Variants in TSC2 observed in about 807,000 individuals in gnomAD.
The protein encoded by TSC2 is tuberin.
TSC2 carries 29 observed loss-of-function variants against 202.2 expected under a neutral mutation model. The ratio of observed to expected loss-of-function variants is 0.14; its 90% CI spans 0.11 to 0.20. TSC2 has a LOEUF of 0.20. Among genes scored for constraint, TSC2 ranks in the 10% least tolerant of loss-of-function variants. TSC2 has a pLI of 1.00. For missense variants in TSC2, 2,429 were observed against 2,420.0 expected (o/e 1.00, Z -0.08); for synonymous variants, 1,349 against 1,044.0 (o/e 1.29, Z -5.63).
Position 2,088,665 on chromosome 16 carries a change from TAAA to T in TSC2, c.*56_*58del. ...TGGACGGTATTGCCTGTCAGTGAAA[TAAA>T]TAAAGTCCTGACCCCAGTGCACAGA... On this transcript the variant is annotated 3_prime_UTR_variant, in exon 42 of 42. Transcript: ENST00000219476. The T allele has an allele frequency of 6.5e-7, 1 of 1,548,696 alleles. No individual in the cohort carries two copies. The highest frequency in any genetic ancestry group is 8.6e-7 in the Non-Finnish European group (1 of 1,156,536).
chr16:2,081,451 C>T (rs1298871797), intron 30 of TSC2, 144 bp from the exon 31 acceptor site: 11 of 1,091,138 alleles, frequency 1.0e-5, no homozygotes, highest in Non-Finnish European at 1.5e-5. Context: ...GTCAGAGCAG[C>T]GCTGGCTCCG....
rs1057522306 is a variant in TSC2, at chr16:2,071,538, C to T, written c.1868C>T (p.Ala623Val). 2 of 1,613,590 alleles carry T rather than the reference C, an allele frequency of 1.2e-6. No individual in the cohort carries two copies. Among genetic ancestry groups the T allele is most frequent in the East Asian group, 4.5e-5 (2 of 44,886 alleles). Residue 623 changes from alanine to valine, a missense_variant, in exon 18 of 42, where the codon GCC (alanine) becomes GTC (valine). Ala to Val is a moderately conservative substitution (Grantham distance 64). Coordinates refer to ENST00000219476, the MANE Select transcript of TSC2 (RefSeq NM_000548.5). ...QAFDFLLLLRADSLHRLGLPN... is the reference protein window; with the variant it reads ...QAFDFLLLLRVDSLHRLGLPN... The stretch of plus-strand genomic sequence containing the variant: ...TTTGACTTCCTGTTGCTGCTGCGGG[C>T]CGACTCACTGCACCGCCTGGGCCTG...
chr16:2,068,375 A>T, intron 16 of TSC2, among the ~76,000 whole-genome samples: 1 of 152,166 alleles, frequency 6.6e-6, no homozygotes, highest in Non-Finnish European at 1.5e-5. Context: ...GAAAAGTAAC[A>T]CAGTTGACTC....
Position 2,060,522 on chromosome 16 carries a change from C to T in TSC2, c.976-148C>T, listed in dbSNP as rs1178773399. ...CATGTAGAAACCCCTCCTGGGCGCC[C>T]CACCTGCTGTTTCTGCGGCCCCTGA... On this transcript the variant is annotated intron_variant, in intron 10 of 41. Transcript: ENST00000219476. The T allele has an allele frequency of 1.0e-5, 14 of 1,371,892 alleles. No homozygotes were observed. The Middle Eastern group carries it at 2.2e-3, about 216-fold the overall frequency. 85.0% of individuals were successfully genotyped at this position (1,371,892 alleles called of 1,614,324 possible).
chr16:2,072,045 C>T (rs112515097), intron 19 of TSC2, 111 bp downstream of exon 19: 1 of 1,477,740 alleles, frequency 6.8e-7, no homozygotes, highest in Non-Finnish European at 9.0e-7. Flanking sequence ...GGGCAGCCCT[C>T]CCTCAGAGCT....
intron 15 of TSC2, chr16:2,064,662 G>C: frequency 1.5e-6 from 1 of 651,328 alleles, no homozygotes; most frequent in South Asian, 1.9e-5. Context: ...GGGACAGCTG[G>C]GCTGGGCCTC....
At chr16:2,050,359 C>T (rs2150993780) in intron 2 of TSC2, 41 bp from the exon 3 acceptor site, 4 of 1,587,136 alleles carry the variant, frequency 2.5e-6, no homozygotes, top group Non-Finnish European at 3.5e-6. Flanking sequence ...GAGACCGTGG[C>T]CTGAGCACTG....
At chr16:2,082,852 C>T (rs1203602116) in intron 32 of TSC2, 1 of 441,612 alleles carries the variant, frequency 2.3e-6, no homozygotes, top group Non-Finnish European at 4.3e-6. Context: ...ACCCCTGGGC[C>T]TGCACCGAGC....
rs781075483 is a variant in TSC2, at chr16:2,048,723, G to A, written c.108G>A (p.Thr36=). 8.1e-6 allele frequency: 13 copies of A among 1,613,936 alleles called. No homozygotes were observed. The African/African-American group carries it at 1.1e-4, about 13-fold the overall frequency. ...CCAGGTCTGCAGAGGGTAAACAGAC[G>A]GAGTTTATCATCACCGCGGAAATAC... ...PNPRSAEGKQ[T]EFIITAEILR... is the part of the protein sequence containing the mutation. The change falls in exon 2 of 42, where the codon ACG becomes ACA. Residue 36 remains threonine, a synonymous_variant. Transcript: ENST00000219476.
At chr16:2,048,804 G>A (rs759914646) in intron 2 of TSC2, 51 bp downstream of exon 2, 30 of 1,612,772 alleles carry the variant, frequency 1.9e-5, no homozygotes, top group Non-Finnish European at 2.5e-5. Context: ...TGCAGAGAAG[G>A]CTGGGTTTGG....
At position 2,056,629 on chromosome 16, in the gene TSC2, C is replaced by T. The variant is rs1367018977; in HGVS notation, c.649-15C>T. 6.2e-7 allele frequency: 1 copy of T among 1,608,378 alleles called. No homozygotes were observed. The highest frequency in any genetic ancestry group is 8.5e-7 in the Non-Finnish European group (1 of 1,179,932). Reference sequence around the variant, plus strand: ...CTGGGGTAGGACGGGCGTGAGCCGTCTCCCTCTCCACCAGGTCTCCCTGCA... The same window carrying T: ...CTGGGGTAGGACGGGCGTGAGCCGTTTCCCTCTCCACCAGGTCTCCCTGCA... On this transcript the variant is annotated splice_polypyrimidine_tract_variant and intron_variant, in intron 7 of 41. Transcript: ENST00000219476.
At position 2,058,755 on chromosome 16, in the gene TSC2, T is replaced by C. The variant is rs45517136; in HGVS notation, c.857T>C (p.Met286Thr). 1.3e-5 allele frequency: 21 copies of C among 1,583,092 alleles called. No individual in the cohort carries two copies. Among genetic ancestry groups the C allele is most frequent in the Non-Finnish European group, 1.5e-5 (17 of 1,164,272 alleles). ...CTGGGGAACACTTTTAGAGCCTACA[T>C]GGAGGACGCGCCCCTGCTGAGAGGA... The part of the protein sequence containing the change: ...MCHLMEDRAY[M>T]EDAPLLRGAV... The change falls in exon 10 of 42, where the codon ATG becomes ACG. Residue 286 changes from methionine to threonine, a missense_variant. Physicochemically the swap from Met to Thr is moderately conservative, Grantham distance 81. Coordinates refer to ENST00000219476, the MANE Select transcript of TSC2 (RefSeq NM_000548.5).
At chr16:2,049,232 C>T (rs530907641) in intron 2 of TSC2, among the ~76,000 whole-genome samples, 2 of 152,060 alleles carry the variant, frequency 1.3e-5, no homozygotes, top group East Asian at 3.9e-4. Flanking sequence ...ACTACAGACA[C>T]GTGCCACCAC....
chr16:2,062,922 G>A (rs1348109166), intron 13 of TSC2, 50 bp from the exon 14 acceptor site: 1 of 1,536,832 alleles, frequency 6.5e-7, no homozygotes, highest in Non-Finnish European at 8.8e-7. Context: ...GCTGGTGTGG[G>A]GCTGTGGCCG....
At chr16:2,054,037 C>G (rs2085460906) in intron 4 of TSC2, 1 of 559,044 alleles carries the variant, frequency 1.8e-6, no homozygotes, top group Admixed American at 3.0e-5. Context: ...CTGTGTCATC[C>G]CCTGCTCTGC....
rs1459518095 is a variant in TSC2, at chr16:2,084,552, C to T, written c.4330C>T (p.Pro1444Ser). 1.2e-6 allele frequency: 2 copies of T among 1,609,006 alleles called. No homozygotes were observed. Among genetic ancestry groups the T allele is most frequent in the South Asian group, 1.1e-5 (1 of 90,958 alleles). ...GEDSRGQPEG[P>S]LPSSSPRSPS... ...AGACAGTCGGGGCCAGCCCGAGGGT[C>T]CCTTGCCTTCCAGCTCCCCCCGCTC... The change falls in exon 34 of 42, where the codon CCC becomes TCC. Residue 1444 changes from proline to serine, a missense_variant. Physicochemically the swap from Pro to Ser is moderately conservative, Grantham distance 74 (BLOSUM62 -1). Transcript: ENST00000219476.
rs1555441265 is a variant in TSC2, at chr16:2,088,491, C to T, written c.5305C>T (p.His1769Tyr). Residue 1769 changes from histidine to tyrosine, a missense_variant, in exon 42 of 42, where the codon CAC (histidine) becomes TAC (tyrosine). Coordinates refer to ENST00000219476, the MANE Select transcript of TSC2 (RefSeq NM_000548.5). ...CTCCAACCCCAGCCTACCTCTGGTG[C>T]ACCCTCCGTCCCATAGCAAAGCCCC... ...AYSNPSLPLVHPPSHSKAPAQ... is the reference protein window; with the variant it reads ...AYSNPSLPLVYPPSHSKAPAQ... 11 of 1,612,764 alleles carry T rather than the reference C, an allele frequency of 6.8e-6. No homozygotes were observed. The highest frequency in any genetic ancestry group is 1.6e-4 in the Middle Eastern group (1 of 6,084).
chr16:2,085,680 G>A (rs946429763), intron 36 of TSC2, among the ~76,000 whole-genome samples: 2 of 152,210 alleles, frequency 1.3e-5, no homozygotes, highest in African/African-American at 4.8e-5. Context: ...CACCAGCAGC[G>A]GGGGCCGGGC....
intron 19 of TSC2, 146 bp from the exon 20 acceptor site, chr16:2,072,095 C>G: frequency 3.3e-6 from 5 of 1,519,356 alleles, no homozygotes; most frequent in Non-Finnish European, 4.4e-6. Context: ...GGGACAGAGG[C>G]CTGCGCTGGG....
Sources: allele counts gnomAD v4.1 joint callset (sites outside exome capture counted in the v4.1 genomes callset), GRCh38; gene constraint gnomAD v4.1.1; transcripts MANE v1.5; gene names NCBI Gene and HGNC (gene_info 2026-07-23, HGNC 2026-07-21).